The following LNX2 variants were observed in gnomAD, a reference collection of about 807,000 sequenced individuals.
The protein encoded by LNX2 is ligand of Numb protein X 2.
LNX2 carries 35 observed loss-of-function variants against 66.2 expected under a neutral mutation model. That is an observed-to-expected ratio of 0.53 (90% confidence interval 0.40 to 0.70). The LOEUF (loss-of-function observed/expected upper bound fraction) is 0.70. Among genes scored for constraint, LNX2 ranks in the 30% least tolerant of loss-of-function variants. The probability of loss-of-function intolerance (pLI) is 0.00; values close to 1 mark genes in which losing one functional copy is unlikely to be tolerated. For missense variants in LNX2, 791 were observed against 850.8 expected (o/e 0.93, Z 0.87); for synonymous variants, 337 against 315.6 (o/e 1.07, Z -0.72).
At chr13:27,599,790 A>G (rs572583300) in intron 1 of LNX2, among the ~76,000 whole-genome samples, 1 of 152,260 alleles carries the variant, frequency 6.6e-6, no homozygotes, top group South Asian at 2.1e-4. Flanking sequence ...TTTCTCTCAA[A>G]TCAAACTTTT....
chr13:27,556,936 C>A (rs911803949), intron 6 of LNX2, among the ~76,000 whole-genome samples: 1 of 152,124 alleles, frequency 6.6e-6, no homozygotes. Flanking sequence ...GCAAATCTAC[C>A]TTCAAAATCT....
At position 27,550,323 on chromosome 13, in the gene LNX2, C is replaced by CAAGATTA. The variant is rs751709548; in HGVS notation, c.1937+9_1937+10insTAATCTT. 2.0e-5 allele frequency: 33 copies of CAAGATTA among 1,610,382 alleles called. No individual in the cohort carries two copies. In the East Asian group the frequency reaches 7.4e-4, roughly 36 times the overall value. The stretch of plus-strand genomic sequence containing the variant: ...ACATGAATCACATCATTAATTAGAA[C>CAAGATTA]AAGACTCACTTTAATCTTCCATCAT... On this transcript the variant is annotated intron_variant, in intron 9 of 9. Transcript: ENST00000316334.
At chr13:27,568,337 G>A (rs184236346) in intron 3 of LNX2, among the ~76,000 whole-genome samples, 12 of 152,244 alleles carry the variant, frequency 7.9e-5, no homozygotes, top group African/African-American at 2.4e-4. Context: ...TTGTAGTAGA[G>A]CTTGGAAAAA....
At chr13:27,556,950 T>C (rs992587736) in intron 6 of LNX2, among the ~76,000 whole-genome samples, 2 of 152,166 alleles carry the variant, frequency 1.3e-5, no homozygotes, top group Non-Finnish European at 2.9e-5. Flanking sequence ...AAAATCTTCA[T>C]GAAAAGCTAA....
At chr13:27,551,501 T>C (rs1023778374) in intron 8 of LNX2, among the ~76,000 whole-genome samples, 4 of 151,246 alleles carry the variant, frequency 2.6e-5, no homozygotes, top group African/African-American at 9.7e-5. Flanking sequence ...ACCTAAATGA[T>C]AAGGAAAAAA....
chr13:27,584,300 G>A (rs1955459131), intron 1 of LNX2, among the ~76,000 whole-genome samples: 1 of 149,450 alleles, frequency 6.7e-6, no homozygotes, highest in African/African-American at 2.5e-5. Flanking sequence ...ATGCAGTGAG[G>A]GAGGAGTTTG....
chr13:27,607,693 T>C (rs1955732246), intron 1 of LNX2, among the ~76,000 whole-genome samples: 1 of 152,180 alleles, frequency 6.6e-6, no homozygotes, highest in Admixed American at 6.5e-5. Context: ...ATCTGAGAAA[T>C]AATTTTCTAT....
chr13:27,577,069 T>C (rs75416206), intron 2 of LNX2, among the ~76,000 whole-genome samples: 6,678 of 152,202 alleles, frequency 0.044, 207 homozygotes, highest in Non-Finnish European at 0.067. Flanking sequence ...CCAGAATACA[T>C]AGAAAATTCT....
At chr13:27,560,124 G>A in intron 5 of LNX2, 139 bp from the exon 6 acceptor site, 2 of 584,416 alleles carry the variant, frequency 3.4e-6, no homozygotes, top group South Asian at 9.1e-5. Flanking sequence ...AGCACCTGGT[G>A]GCAAGAGGAA....
At chr13:27,555,647 G>C (rs1316059887) in intron 7 of LNX2, among the ~76,000 whole-genome samples, 1 of 152,124 alleles carries the variant, frequency 6.6e-6, no homozygotes, top group Non-Finnish European at 1.5e-5. Context: ...GATTTAATTT[G>C]TGTTTATGGT....
rs993138444 is a variant in LNX2 at position 27,548,080 on chromosome 13, AT to A, written c.*254del. ...AGCTTTGCTCATTACCATAGGTAAC[AT>A]TTTAACAACTAAGTCTGAATTCTGA... On this transcript the variant is annotated 3_prime_UTR_variant, in exon 10 of 10. Coordinates refer to ENST00000316334, the MANE Select transcript of LNX2 (RefSeq NM_153371.4). The A allele has an allele frequency of 1.8e-5, 8 of 434,278 alleles. No homozygotes were observed. The highest frequency in any genetic ancestry group is 1.2e-4 in the Admixed American group (3 of 24,304). 26.9% of individuals were successfully genotyped at this position (434,278 alleles called of 1,614,324 possible).
intron 3 of LNX2, 39 bp downstream of exon 3, chr13:27,568,990 A>T: frequency 6.4e-7 from 1 of 1,552,120 alleles, no homozygotes; most frequent in East Asian, 2.3e-5. Flanking sequence ...GAAGAAAGGA[A>T]ATAGAGATGA....
Position 27,569,065 on chromosome 13 carries a change from C to G in LNX2, c.619G>C (p.Asp207His). 1 of 1,613,784 alleles carries G rather than the reference C, an allele frequency of 6.2e-7. No homozygotes were observed. Among genetic ancestry groups the G allele is most frequent in the Non-Finnish European group, 8.5e-7 (1 of 1,179,894 alleles). The change falls in exon 3 of 10, where the codon GAC becomes CAC. Residue 207 changes from aspartate to histidine, a missense_variant. Physicochemically the swap from Asp to His is moderately conservative, Grantham distance 81. Coordinates refer to ENST00000316334, the MANE Select transcript of LNX2 (RefSeq NM_153371.4). ...LSTWSEEPGL[D>H]NPAFEESAGA... ...GCGCTCTCCTCAAAGGCAGGGTTGT[C>G]AAGGCCAGGCTCCTCACTCCATGTG...
Position 27,562,769 on chromosome 13 carries a change from T to G in LNX2, c.868A>C (p.Asn290His), listed in dbSNP as rs753003841. Residue 290 changes from asparagine (N) to histidine (H), a missense_variant, in exon 5 of 10, where the codon AAT becomes CAT. Asn to His is a moderately conservative substitution (Grantham distance 68, BLOSUM62 1). Transcript: ENST00000316334. ...GDQILQVNNY[N>H]ISNVSHNYAR... ...TAGTTATGGGACACATTGCTGATAT[T>G]GTAGTTGTTGACCTAGAAAAAAAGA... is the stretch of plus-strand genomic sequence containing the variant. The G allele has an allele frequency of 1.2e-6, 2 of 1,603,358 alleles. No homozygotes were observed. Among genetic ancestry groups the G allele is most frequent in the Non-Finnish European group, 1.7e-6 (2 of 1,173,092 alleles).
At chr13:27,603,307 CAT>C (rs1357612284) in intron 1 of LNX2, among the ~76,000 whole-genome samples, 2 of 152,148 alleles carry the variant, frequency 1.3e-5, no homozygotes, top group Non-Finnish European at 2.9e-5. Context: ...CCTTTTCTAA[CAT>C]AACTCCATCT....
At chr13:27,555,483 G>C (rs1295247762) in intron 7 of LNX2, among the ~76,000 whole-genome samples, 1 of 152,186 alleles carries the variant, frequency 6.6e-6, no homozygotes, top group Non-Finnish European at 1.5e-5. Context: ...AAAGTTTGCA[G>C]TTTTAAAGTC....
rs1305523863 is a variant in LNX2 at position 27,546,723 on chromosome 13, A to G, written c.*1612T>C. ...TCTGAAATACATTCTCTGATTATCA[A>G]TACCATTTATTACAGAGGTCACTTG... On this transcript the variant is annotated 3_prime_UTR_variant, in exon 10 of 10. Coordinates refer to ENST00000316334, the MANE Select transcript of LNX2 (RefSeq NM_153371.4). 6.6e-6 allele frequency: 1 copy of G among 152,212 alleles called. No individual in the cohort carries two copies. The highest frequency in any genetic ancestry group is 2.4e-5 in the African/African-American group (1 of 41,462). 9.4% of individuals were successfully genotyped at this position (152,212 alleles called of 1,614,324 possible). A position where few individuals can be genotyped will look rare whatever the true frequency, so the allele number is the denominator to read the frequency against.
chr13:27,618,799 A>G (rs1955855020), intron 1 of LNX2, among the ~76,000 whole-genome samples: 2 of 152,228 alleles, frequency 1.3e-5, no homozygotes, highest in Non-Finnish European at 2.9e-5. Flanking sequence ...ACAACAGCCC[A>G]AAGACACATA....
At chr13:27,588,433 A>T (rs1211397619) in intron 1 of LNX2, among the ~76,000 whole-genome samples, 1 of 152,238 alleles carries the variant, frequency 6.6e-6, no homozygotes, top group Non-Finnish European at 1.5e-5. Flanking sequence ...AAAGCTGCAT[A>T]CTGTATTGTT....
Sources: allele counts gnomAD v4.1 joint callset (sites outside exome capture counted in the v4.1 genomes callset), GRCh38; gene constraint gnomAD v4.1.1; transcripts MANE v1.5; gene names NCBI Gene and HGNC (gene_info 2026-07-23, HGNC 2026-07-21).